The following LIMS1 variants were observed in gnomAD, a reference collection of about 807,000 sequenced individuals.
The protein encoded by LIMS1 is LIM zinc finger domain containing 1.
In LIMS1, 18 loss-of-function variants were observed where a neutral mutation model predicts 44.1. The observed-to-expected ratio is 0.41, with a 90% CI of 0.28 to 0.61. The LOEUF is 0.61. Ranked by LOEUF, LIMS1 falls within the 20% of genes least tolerant of loss-of-function variation. The pLI, the probability that LIMS1 is intolerant of heterozygous loss-of-function variation, is 0.32. For synonymous variants in LIMS1, 93 were observed against 149.1 expected (o/e 0.62, Z 2.74); for missense variants, 201 against 422.0 (o/e 0.48, Z 4.59).
chr2:108,544,016 A>G (rs1684402957), intron 1 of LIMS1, among the ~76,000 whole-genome samples: 1 of 150,786 alleles, frequency 6.6e-6, no homozygotes. Flanking sequence ...ACACAGCAAG[A>G]CTCTTTCTTT....
chr2:108,588,450 A>G, intron 1 of LIMS1: 1 of 985,556 alleles, frequency 1.0e-6, no homozygotes. Flanking sequence ...AGTAGGAGCC[A>G]GGAGGGAGGT....
chr2:108,594,107 A>G (rs1686544685), intron 1 of LIMS1, among the ~76,000 whole-genome samples: 1 of 152,232 alleles, frequency 6.6e-6, no homozygotes, highest in Non-Finnish European at 1.5e-5. Flanking sequence ...TTAATAATTT[A>G]TTAATGAATG....
chr2:108,630,559 C>A (rs1243327787), intron 1 of LIMS1, among the ~76,000 whole-genome samples: 1 of 152,164 alleles, frequency 6.6e-6, no homozygotes, highest in Admixed American at 6.5e-5. Flanking sequence ...TTTTGAAATA[C>A]GTATCATGAC....
intron 9 of LIMS1, among the ~76,000 whole-genome samples, chr2:108,682,602 A>T (rs567782473): frequency 2.0e-5 from 3 of 152,366 alleles, no homozygotes; most frequent in African/African-American, 7.2e-5. Context: ...TGGCAGTTTT[A>T]ATAGCTTTTG....
chr2:108,557,275 C>G lies in LIMS1; in HGVS notation c.32+22681C>G, dbSNP rs1319689347. Among the ~76,000 whole-genome samples, 11 of 152,204 alleles carry G rather than the reference C, an allele frequency of 7.2e-5. No individual in the cohort carries two copies. In the East Asian group the frequency reaches 1.7e-3, roughly 24 times the overall value. ...CATTTTTTGTAGAGACGGTGTCTCT[C>G]TATGTTGCCCAGACTGGTCTTGAAC... On this transcript the variant is annotated intron_variant, in intron 1 of 9. Transcript: ENST00000544547.
At position 108,585,836 on chromosome 2, in the gene LIMS1, G is replaced by A. The variant is rs191728549; in HGVS notation, c.32+51242G>A. Among the ~76,000 whole-genome samples, 307 of 152,308 alleles carry A rather than the reference G, an allele frequency of 2.0e-3. 3 individuals carry two copies. Among genetic ancestry groups the A allele is most frequent in the African/African-American group, 7.0e-3 (293 of 41,572 alleles). On this transcript the variant is annotated intron_variant, in intron 1 of 9. Transcript: ENST00000544547. Reference sequence around the variant, plus strand: ...GATTTGGCTTTTAAGAGCTGTGACTGTAAGAGGTGTTTCCAGATTGCAGTA... The same window carrying A: ...GATTTGGCTTTTAAGAGCTGTGACTATAAGAGGTGTTTCCAGATTGCAGTA...
rs534746841 is a variant in LIMS1, at chr2:108,589,936, G to A, written c.32+55342G>A. On this transcript the variant is annotated intron_variant, in intron 1 of 9. Coordinates refer to ENST00000544547, the Ensembl canonical transcript of LIMS1. ...TTCAGCCTTCTTGACCTGTCCTGGA[G>A]AATGTTCCATGTGCACTTGAGAAGA... is the stretch of plus-strand genomic sequence containing the variant. 1.8e-4 allele frequency among the ~76,000 whole-genome samples: 28 copies of A among 152,300 alleles called. No individual in the cohort carries two copies. The South Asian group carries it at 3.7e-3, about 20-fold the overall frequency.
chr2:108,633,208 T>C (rs998626489), intron 1 of LIMS1, among the ~76,000 whole-genome samples: 3 of 152,266 alleles, frequency 2.0e-5, no homozygotes, highest in Non-Finnish European at 4.4e-5. Context: ...TATGTATTCT[T>C]TTAACACAGA....
At chr2:108,609,275 T>A (rs1687455207) in intron 1 of LIMS1, among the ~76,000 whole-genome samples, 1 of 152,192 alleles carries the variant, frequency 6.6e-6, no homozygotes, top group Admixed American at 6.5e-5. Flanking sequence ...CATAAAGGCT[T>A]CTCCTCTGGA....
At chr2:108,539,209 G>A (rs1684237247) in intron 1 of LIMS1, among the ~76,000 whole-genome samples, 1 of 152,148 alleles carries the variant, frequency 6.6e-6, no homozygotes, top group African/African-American at 2.4e-5. Context: ...TTAGACTTCT[G>A]AGTAGCTGGG....
intron 2 of LIMS1, among the ~76,000 whole-genome samples, chr2:108,666,691 A>G (rs1266788156): frequency 1.5e-5 from 2 of 137,528 alleles, no homozygotes; most frequent in Non-Finnish European, 3.1e-5. Flanking sequence ...TGGGAGGCTG[A>G]GGTGGGAAGA....
chr2:108,552,772 T>A (rs1156507520), intron 1 of LIMS1, among the ~76,000 whole-genome samples: 1 of 151,948 alleles, frequency 6.6e-6, no homozygotes, highest in Non-Finnish European at 1.5e-5. Context: ...GAGATAAGGT[T>A]GCACCGTGTT....
chr2:108,635,596 G>A (rs1218994111), intron 1 of LIMS1, among the ~76,000 whole-genome samples: 1 of 151,538 alleles, frequency 6.6e-6, no homozygotes, highest in Non-Finnish European at 1.5e-5. Flanking sequence ...AGCTACTTGG[G>A]AGGCTGAGGC....
At chr2:108,587,290 TTG>T (rs58815332) in intron 1 of LIMS1, among the ~76,000 whole-genome samples, 19,052 of 104,956 alleles carry the variant, frequency 0.18, 1,199 homozygotes, top group Middle Eastern at 0.21. Flanking sequence ...TTCTTGGGGT[TTG>T]TGTGTGTGTG....
intron 1 of LIMS1, among the ~76,000 whole-genome samples, chr2:108,552,283 CTATA>C (rs954087861): frequency 2.2e-4 from 29 of 131,514 alleles, no homozygotes; most frequent in East Asian, 4.4e-4. Flanking sequence ...ATATATGAAA[CTATA>C]TATATACTAT....
intron 1 of LIMS1, among the ~76,000 whole-genome samples, chr2:108,625,390 C>T (rs1433603128): frequency 6.6e-6 from 1 of 152,130 alleles, no homozygotes; most frequent in African/African-American, 2.4e-5. Flanking sequence ...AATTATTTAC[C>T]TTCAGGCCCT....
chr2:108,596,636 C>A (rs1213817621), intron 1 of LIMS1, among the ~76,000 whole-genome samples: 1 of 152,286 alleles, frequency 6.6e-6, no homozygotes, highest in African/African-American at 2.4e-5. Context: ...CCAGCCTGAT[C>A]AACATGGAGA....
intron 5 of LIMS1, among the ~76,000 whole-genome samples, chr2:108,675,618 A>G (rs1166159625): frequency 2.0e-4 from 31 of 152,212 alleles, no homozygotes; most frequent in Admixed American, 2.0e-3. Context: ...GAAGGAAATT[A>G]TGAATATGAC....
chr2:108,536,396 C>T (rs1198682615), intron 1 of LIMS1, among the ~76,000 whole-genome samples: 3 of 152,208 alleles, frequency 2.0e-5, no homozygotes, highest in Non-Finnish European at 4.4e-5. Context: ...GCTGGTACCT[C>T]ATATCTCATG....
Sources: gnomAD v4.1 joint callset for allele counts (sites outside exome capture counted in the v4.1 genomes callset) on GRCh38, gnomAD v4.1.1 for gene constraint, MANE v1.5 for transcripts, NCBI Gene and HGNC (gene_info 2026-07-23, HGNC 2026-07-21) for gene names.